GHR: variants seen among roughly 807,000 people sequenced by gnomAD.
The protein encoded by GHR is GH receptor.
Under a neutral mutation model 67.1 loss-of-function variants are expected in GHR, and 35 were observed. That is an observed-to-expected ratio of 0.52 (90% CI 0.40 to 0.69). The LOEUF (loss-of-function observed/expected upper bound fraction) is 0.69. GHR is among the 30% of genes least tolerant of loss of function. The probability of loss-of-function intolerance (pLI) is 0.00; values close to 1 mark genes in which losing one functional copy is unlikely to be tolerated. For missense variants in GHR, 792 were observed against 764.6 expected (o/e 1.04, Z -0.42); for synonymous variants, 272 against 269.1 (o/e 1.01, Z -0.10).
intron 1 of GHR, among the ~76,000 whole-genome samples, chr5:42,429,220 A>G (rs1286888061): frequency 6.6e-6 from 1 of 152,222 alleles, no homozygotes; most frequent in East Asian, 1.9e-4. Flanking sequence ...ACAATAAGGC[A>G]TGTGCGGGGG....
At chr5:42,491,051 G>A (rs1310355395) in intron 1 of GHR, among the ~76,000 whole-genome samples, 1 of 152,212 alleles carries the variant, frequency 6.6e-6, no homozygotes, top group African/African-American at 2.4e-5. Flanking sequence ...CACTGGATGA[G>A]CAGAAACAGC....
chr5:42,468,194 T>G, intron 1 of GHR: 1 of 1,420,710 alleles, frequency 7.0e-7, no homozygotes, highest in Non-Finnish European at 9.9e-7. Context: ...GCCCAGACTT[T>G]GATGTTCTCA....
At chr5:42,579,151 T>TGATAGATAGATAGATAG (rs1554021883) in intron 2 of GHR, among the ~76,000 whole-genome samples, 1 of 88,248 alleles carries the variant, frequency 1.1e-5, no homozygotes, top group Non-Finnish European at 2.4e-5. Flanking sequence ...GATAGATAGA[T>TGATAGATAGATAGATAG]ATAGATAGAT....
intron 1 of GHR, among the ~76,000 whole-genome samples, chr5:42,434,949 C>G (rs1042800291): frequency 3.3e-5 from 5 of 152,196 alleles, no homozygotes; most frequent in Admixed American, 2.6e-4. Context: ...CTTATCTTTA[C>G]TATCTTTGTG....
rs572296753 is a variant in GHR at position 42,646,060 on chromosome 5, T to C, written c.136+16957T>C. ...TAGACATGGCTCACCTTCTACCAAA[T>C]CATACTTTATGATTTTCCACAATAT... On this transcript the variant is annotated intron_variant, in intron 3 of 9. Transcript: ENST00000230882. Among the ~76,000 whole-genome samples the C allele has an allele frequency of 4.6e-5, 7 of 152,316 alleles. No homozygotes were observed. In the South Asian group the frequency reaches 1.4e-3, roughly 32 times the overall value.
chr5:42,700,118 A>AT, intron 6 of GHR, 116 bp downstream of exon 6: 1 of 699,094 alleles, frequency 1.4e-6, no homozygotes, highest in South Asian at 1.6e-5. Context: ...TGTATGCTCC[A>AT]TAATTTCTTA....
At chr5:42,444,843 T>C (rs1579709788) in intron 1 of GHR, among the ~76,000 whole-genome samples, 1 of 152,174 alleles carries the variant, frequency 6.6e-6, no homozygotes, top group African/African-American at 2.4e-5. Flanking sequence ...TCCTTCCCCT[T>C]TCCAGCTACA....
intron 2 of GHR, among the ~76,000 whole-genome samples, chr5:42,573,767 C>T (rs1417485031): frequency 2.0e-5 from 3 of 152,132 alleles, no homozygotes; most frequent in Admixed American, 2.0e-4. Context: ...AATGAGAGCA[C>T]ATGAAACTCT....
At chr5:42,473,933 A>G (rs2112111026) in intron 1 of GHR, among the ~76,000 whole-genome samples, 1 of 151,900 alleles carries the variant, frequency 6.6e-6, no homozygotes, top group Middle Eastern at 3.4e-3. Context: ...CATGCCTGTA[A>G]TCCTAGCACT....
chr5:42,538,446 CT>C (rs1344615885), intron 1 of GHR, among the ~76,000 whole-genome samples: 1 of 152,064 alleles, frequency 6.6e-6, no homozygotes, highest in African/African-American at 2.4e-5. Flanking sequence ...GCTTAGCTTG[CT>C]GGATAGAAAA....
intron 1 of GHR, among the ~76,000 whole-genome samples, chr5:42,433,383 G>A (rs186679775): frequency 1.3e-5 from 2 of 152,042 alleles, no homozygotes; most frequent in African/African-American, 4.8e-5. Context: ...CCTACAGGAT[G>A]TAAGTCTGGC....
Position 42,701,873 on chromosome 5 carries a change from A to G in GHR, c.618+1871A>G, listed in dbSNP as rs531462771. Among the ~76,000 whole-genome samples the G allele has an allele frequency of 1.6e-4, 24 of 152,266 alleles. No homozygotes were observed. The East Asian group carries it at 4.4e-3, about 28-fold the overall frequency. On this transcript the variant is annotated intron_variant, in intron 6 of 9. Transcript: ENST00000230882. The stretch of plus-strand genomic sequence containing the variant: ...TTCCAAATTACTAATACATGATGTA[A>G]TCAAATCATGCATGGGGAAATGATC...
intron 8 of GHR, among the ~76,000 whole-genome samples, chr5:42,716,714 T>C (rs973743596): frequency 2.6e-5 from 4 of 152,218 alleles, no homozygotes; most frequent in African/African-American, 9.6e-5. Flanking sequence ...AACAATATGC[T>C]TTAACATTTG....
At chr5:42,579,195 GA>G (rs1222451657) in intron 2 of GHR, among the ~76,000 whole-genome samples, 1 of 151,250 alleles carries the variant, frequency 6.6e-6, no homozygotes, top group Non-Finnish European at 1.5e-5. Flanking sequence ...TAGATAGATA[GA>G]TAGACAGATA....
At chr5:42,535,032 G>C (rs1293196882) in intron 1 of GHR, among the ~76,000 whole-genome samples, 1 of 151,790 alleles carries the variant, frequency 6.6e-6, no homozygotes, top group Admixed American at 6.6e-5. Context: ...TGATTTGTTT[G>C]AGTTTGTTAT....
chr5:42,598,649 A>G lies in GHR; in HGVS notation c.71-30389A>G, dbSNP rs936277282. Among the ~76,000 whole-genome samples the G allele has an allele frequency of 1.6e-4, 25 of 152,260 alleles. No individual in the cohort carries two copies. The East Asian group carries it at 2.1e-3, about 13-fold the overall frequency. ...GAATTAATCTTTTATCACCTAAGTTACTGCCCACTGCCTTTCAGTTTTAAA... is the reference window on the plus strand; with the variant it reads ...GAATTAATCTTTTATCACCTAAGTTGCTGCCCACTGCCTTTCAGTTTTAAA... On this transcript the variant is annotated intron_variant, in intron 2 of 9. Transcript: ENST00000230882.
At chr5:42,700,408 A>C (rs1010014821) in intron 6 of GHR, among the ~76,000 whole-genome samples, 8 of 152,126 alleles carry the variant, frequency 5.3e-5, no homozygotes, top group African/African-American at 1.7e-4. Flanking sequence ...TCCCACTAAA[A>C]CAAATTCATA....
chr5:42,437,778 A>C (rs1030216914), intron 1 of GHR, among the ~76,000 whole-genome samples: 2 of 147,708 alleles, frequency 1.4e-5, no homozygotes, highest in Admixed American at 6.8e-5. Context: ...CTGATCTTGA[A>C]CTCCTGAGCT....
chr5:42,703,263 T>C (rs570461503), intron 6 of GHR, among the ~76,000 whole-genome samples: 3 of 152,062 alleles, frequency 2.0e-5, no homozygotes, highest in Admixed American at 2.0e-4. Context: ...ATAATTTCAT[T>C]CTTCTGCATA....
Sources: allele counts gnomAD v4.1 joint callset (sites outside exome capture counted in the v4.1 genomes callset), GRCh38; gene constraint gnomAD v4.1.1; transcripts MANE v1.5; gene names NCBI Gene and HGNC (gene_info 2026-07-23, HGNC 2026-07-21).